The following PRKN variants were observed in gnomAD, a reference collection of about 807,000 sequenced individuals.
PRKN encodes E3 ubiquitin-protein ligase parkin.
PRKN carries 56 observed loss-of-function variants against 59.5 expected under a neutral mutation model. The ratio of observed to expected loss-of-function variants is 0.94; its 90% CI spans 0.76 to 1.18. The LOEUF (loss-of-function observed/expected upper bound fraction) is 1.18, where lower values mean the gene tolerates loss of function less well. Among genes scored for constraint, PRKN ranks in the 50% most tolerant of loss-of-function variants. The probability of loss-of-function intolerance (pLI) is 0.00; values close to 1 mark genes in which losing one functional copy is unlikely to be tolerated. For synonymous variants in PRKN, 250 were observed against 222.1 expected (o/e 1.13, Z -1.12); for missense variants, 657 against 596.4 (o/e 1.10, Z -1.06).
intron 4 of PRKN, among the ~76,000 whole-genome samples, chr6:162,055,035 G>T (rs1169558974): frequency 3.3e-5 from 5 of 152,074 alleles, no homozygotes; most frequent in African/African-American, 9.7e-5. Flanking sequence ...GGTGGCACGC[G>T]CCTGTAATCA....
intron 4 of PRKN, among the ~76,000 whole-genome samples, chr6:162,200,276 C>T (rs1365016863): frequency 6.6e-6 from 1 of 152,028 alleles, no homozygotes; most frequent in African/African-American, 2.4e-5. Flanking sequence ...CAGCCAAATC[C>T]CTTGGAGCCA....
Position 161,538,596 on chromosome 6 carries a change from T to C in PRKN, c.1083+10258A>G, listed in dbSNP as rs1779507758. On this transcript the variant is annotated intron_variant, in intron 9 of 11. Coordinates refer to ENST00000366898, the MANE Select transcript of PRKN (RefSeq NM_004562.3). The surrounding 1 kb of genome is among the most constrained non-coding windows in gnomAD (Gnocchi z 4.2). ...GCAAAAAGAGGCCAAAGTGAGTCTTTGAGGACTTCAACTGGTAGAATCCTG... is the reference window on the plus strand; with the variant it reads ...GCAAAAAGAGGCCAAAGTGAGTCTTCGAGGACTTCAACTGGTAGAATCCTG... Among the ~76,000 whole-genome samples, 1 of 152,068 alleles carries C rather than the reference T, an allele frequency of 6.6e-6. No homozygotes were observed. The highest frequency in any genetic ancestry group is 1.5e-5 in the Non-Finnish European group (1 of 68,008).
intron 9 of PRKN, among the ~76,000 whole-genome samples, chr6:161,495,179 T>C (rs1777701294): frequency 6.6e-6 from 1 of 152,176 alleles, no homozygotes; most frequent in African/African-American, 2.4e-5. Context: ...GTCTTTGAAA[T>C]CTGGTTTGTA....
chr6:162,604,388 C>G (rs1232210141), intron 1 of PRKN, among the ~76,000 whole-genome samples: 5 of 152,128 alleles, frequency 3.3e-5, no homozygotes, highest in African/African-American at 9.7e-5. Flanking sequence ...CCTGTAGCTT[C>G]CCCCACTCAG....
At chr6:162,099,726 A>T (rs1231980275) in intron 4 of PRKN, among the ~76,000 whole-genome samples, 1 of 152,380 alleles carries the variant, frequency 6.6e-6, no homozygotes, top group East Asian at 1.9e-4. Context: ...GAACAGCTAA[A>T]TTGAGACAAT....
At chr6:162,579,630 C>G (rs1416225567) in intron 1 of PRKN, among the ~76,000 whole-genome samples, 1 of 149,382 alleles carries the variant, frequency 6.7e-6, no homozygotes, top group Non-Finnish European at 1.5e-5. Flanking sequence ...CACATACACA[C>G]AAATTCACAC....
At chr6:161,482,697 C>G (rs919748759) in intron 9 of PRKN, among the ~76,000 whole-genome samples, 4 of 152,208 alleles carry the variant, frequency 2.6e-5, no homozygotes, top group Non-Finnish European at 4.4e-5. Flanking sequence ...CAACTGAGTA[C>G]GTGGCTGTTC....
intron 4 of PRKN, among the ~76,000 whole-genome samples, chr6:162,063,048 C>T (rs1172738530): frequency 6.6e-6 from 1 of 152,088 alleles, no homozygotes; most frequent in Non-Finnish European, 1.5e-5. Context: ...TTCTTTATAA[C>T]CTTGGAACAG....
chr6:162,093,709 T>C (rs1400029649), intron 4 of PRKN, among the ~76,000 whole-genome samples: 4 of 152,124 alleles, frequency 2.6e-5, no homozygotes, highest in African/African-American at 4.8e-5. Flanking sequence ...ACATATATAA[T>C]GGGAAGTATC....
intron 5 of PRKN, among the ~76,000 whole-genome samples, chr6:162,016,946 G>A (rs920050953): frequency 6.6e-6 from 1 of 152,056 alleles, no homozygotes; most frequent in African/African-American, 2.4e-5. Flanking sequence ...TCACACACGC[G>A]GCTCTGAAAT....
chr6:162,604,217 A>G (rs1014817639), intron 1 of PRKN, among the ~76,000 whole-genome samples: 2 of 152,186 alleles, frequency 1.3e-5, no homozygotes, highest in African/African-American at 4.8e-5. Flanking sequence ...AGAAATGGCA[A>G]ATCTATCTTA....
At chr6:161,595,118 A>C (rs1781867011) in intron 7 of PRKN, among the ~76,000 whole-genome samples, 2 of 152,280 alleles carry the variant, frequency 1.3e-5, no homozygotes, top group Non-Finnish European at 1.5e-5. Flanking sequence ...GTGTGACTAT[A>C]AAGTAGTGAC....
At position 161,396,588 on chromosome 6, in the gene PRKN, G is replaced by A. The variant is rs2114968717; in HGVS notation, c.1084-9711C>T. On this transcript the variant is annotated intron_variant, in intron 9 of 11. Transcript: ENST00000366898. The surrounding 1 kb of genome is among the most constrained non-coding windows in gnomAD (Gnocchi z 5.4). ...TGGCCATTCATTAGTAAAACGCACA[G>A]CATATGTCTTCTATAATTTTTAACT... 6.6e-6 allele frequency among the ~76,000 whole-genome samples: 1 copy of A among 152,236 alleles called. No homozygotes were observed. Among genetic ancestry groups the A allele is most frequent in the South Asian group, 2.1e-4 (1 of 4,826 alleles).
At chr6:161,350,611 A>T (rs1472092787) in intron 11 of PRKN, among the ~76,000 whole-genome samples, 1 of 120,276 alleles carries the variant, frequency 8.3e-6, no homozygotes, top group Non-Finnish European at 1.6e-5. Context: ...ATTTATATTT[A>T]AAATATATAT....
At chr6:161,465,434 C>T (rs747840903) in intron 9 of PRKN, among the ~76,000 whole-genome samples, 2 of 150,720 alleles carry the variant, frequency 1.3e-5, no homozygotes, top group African/African-American at 2.4e-5. Flanking sequence ...ATTCTGTCAG[C>T]TTTTGTCATC....
chr6:162,262,451 G>A lies in PRKN; in HGVS notation c.412+74C>T, dbSNP rs1193919667. ...ATCATAAACTAAATATGCACCCGGT[G>A]AGGCCATGCTCCATGCAGACTGCAC... On this transcript the variant is annotated intron_variant, in intron 3 of 11. Transcript: ENST00000366898. 4 of 1,568,614 alleles carry A rather than the reference G, an allele frequency of 2.6e-6. No homozygotes were observed. In the Admixed American group the frequency reaches 5.0e-5, roughly 20 times the overall value.
chr6:161,971,569 C>G (rs1780809379), intron 6 of PRKN, among the ~76,000 whole-genome samples: 1 of 152,208 alleles, frequency 6.6e-6, no homozygotes, highest in African/African-American at 2.4e-5. Context: ...CATACACAGT[C>G]ATTCACCTTG....
chr6:162,201,287 T>G, intron 3 of PRKN, 35 bp from the exon 4 acceptor site: 1 of 1,609,680 alleles, frequency 6.2e-7, no homozygotes, highest in Non-Finnish European at 8.5e-7. Flanking sequence ...TGGCTAATAA[T>G]GCTGCATCTA....
intron 7 of PRKN, among the ~76,000 whole-genome samples, chr6:161,643,006 TA>T (rs1783798319): frequency 6.6e-6 from 1 of 152,212 alleles, no homozygotes; most frequent in South Asian, 2.1e-4. Context: ...AAAGTAAAAC[TA>T]GGACATAAGG....
Sources: allele counts gnomAD v4.1 joint callset (sites outside exome capture counted in the v4.1 genomes callset), GRCh38; gene constraint gnomAD v4.1.1; non-coding constraint Gnocchi (gnomAD v3.1); transcripts MANE v1.5; gene names NCBI Gene and HGNC (gene_info 2026-07-23, HGNC 2026-07-21).